Variants in MBTPS1 observed in about 807,000 individuals in gnomAD.
The protein encoded by MBTPS1 is membrane bound transcription factor peptidase, site 1.
A neutral mutation model predicts 127.8 loss-of-function variants in MBTPS1; 94 were observed. That is an observed-to-expected ratio of 0.74 (90% CI 0.62 to 0.87). The LOEUF is 0.87. MBTPS1 is among the 40% of genes least tolerant of loss of function. The probability of loss-of-function intolerance (pLI) is 0.00; values close to 1 mark genes in which losing one functional copy is unlikely to be tolerated. For synonymous variants in MBTPS1, 632 were observed against 509.4 expected (o/e 1.24, Z -3.24); for missense variants, 1,636 against 1,353.2 (o/e 1.21, Z -3.28).
chr16:84,063,146 T>G (rs368018817), intron 19 of MBTPS1, among the ~76,000 whole-genome samples, 159 bp downstream of exon 19: 7 of 152,368 alleles, frequency 4.6e-5, no homozygotes, highest in African/African-American at 1.7e-4. Context: ...TATCAAAATA[T>G]TCCAAGCAAT....
chr16:84,086,053 T>C (rs1158934382), intron 9 of MBTPS1: 1 of 152,196 alleles, frequency 6.6e-6, no homozygotes, highest in Admixed American at 6.5e-5. Context: ...GAATAGGATC[T>C]CATATTCTGT....
intron 15 of MBTPS1, 115 bp downstream of exon 15, chr16:84,068,224 C>T (rs958320356): frequency 1.9e-5 from 14 of 748,464 alleles, no homozygotes; most frequent in East Asian, 7.4e-5. Flanking sequence ...GTGGGGCCCA[C>T]GGCGCATACT....
intron 11 of MBTPS1, among the ~76,000 whole-genome samples, chr16:84,081,364 C>A (rs1166069228): frequency 2.6e-5 from 4 of 152,208 alleles, no homozygotes; most frequent in African/African-American, 9.7e-5. Flanking sequence ...ACAGTTTTAA[C>A]AGCTGTACTC....
At chr16:84,087,113 G>C (rs8063994) in intron 9 of MBTPS1, among the ~76,000 whole-genome samples, 1 of 151,886 alleles carries the variant, frequency 6.6e-6, no homozygotes, top group Non-Finnish European at 1.5e-5. Context: ...GGGAAACACC[G>C]CTTAGAATCA....
At chr16:84,116,006 A>T (rs554524009) in intron 1 of MBTPS1, among the ~76,000 whole-genome samples, 2 of 152,292 alleles carry the variant, frequency 1.3e-5, no homozygotes, top group South Asian at 4.1e-4. Context: ...GTAGACATAC[A>T]ATTGGAGACC....
At chr16:84,090,130 T>C (rs1410075490) in intron 8 of MBTPS1, among the ~76,000 whole-genome samples, 1 of 152,082 alleles carries the variant, frequency 6.6e-6, no homozygotes, top group African/African-American at 2.4e-5. Flanking sequence ...CTTCACCTTG[T>C]CTTATGCCCT....
intron 1 of MBTPS1, among the ~76,000 whole-genome samples, chr16:84,108,812 T>G (rs2086360310): frequency 6.6e-6 from 1 of 152,208 alleles, no homozygotes; most frequent in East Asian, 1.9e-4. Flanking sequence ...GGTAAAACTG[T>G]TTGATCAAAT....
At chr16:84,097,952 T>C (rs2086201266) in intron 3 of MBTPS1, among the ~76,000 whole-genome samples, 1 of 152,032 alleles carries the variant, frequency 6.6e-6, no homozygotes, top group South Asian at 2.1e-4. Context: ...AAAATTTTAA[T>C]TTCTTCTTCC....
intron 1 of MBTPS1, among the ~76,000 whole-genome samples, chr16:84,115,380 G>A (rs1430130327): frequency 6.6e-6 from 1 of 152,174 alleles, no homozygotes; most frequent in Admixed American, 6.5e-5. Context: ...GAGTGCAGTC[G>A]TTTGACACGT....
chr16:84,111,516 G>C (rs2093795187), intron 1 of MBTPS1, among the ~76,000 whole-genome samples: 1 of 151,570 alleles, frequency 6.6e-6, no homozygotes, highest in Admixed American at 6.6e-5. Flanking sequence ...ACTCCAGCCT[G>C]GGCAACAGAG....
At chr16:84,115,610 G>C (rs2086463140) in intron 1 of MBTPS1, among the ~76,000 whole-genome samples, 1 of 152,206 alleles carries the variant, frequency 6.6e-6, no homozygotes, top group Non-Finnish European at 1.5e-5. Context: ...CATGCTAAGT[G>C]AAAGAAGCCT....
At chr16:84,056,164 A>G (rs1355195848) in intron 21 of MBTPS1, 29 bp from the exon 22 acceptor site, 1 of 1,601,040 alleles carries the variant, frequency 6.2e-7, no homozygotes. Context: ...AAACAAAACA[A>G]AAATAAGCCA....
chr16:84,069,052 C>T (rs1360406197), intron 14 of MBTPS1, among the ~76,000 whole-genome samples: 4 of 152,218 alleles, frequency 2.6e-5, no homozygotes, highest in Admixed American at 2.0e-4. Context: ...AACTTCCCAC[C>T]ACTTCCTGTC....
intron 12 of MBTPS1, among the ~76,000 whole-genome samples, chr16:84,071,097 A>G (rs2085764058): frequency 6.6e-6 from 1 of 152,230 alleles, no homozygotes; most frequent in South Asian, 2.1e-4. Context: ...AAGAGAACTT[A>G]TATAGATGAA....
Position 84,067,864 on chromosome 16 carries a change from A to T in MBTPS1, c.2072-41T>A, listed in dbSNP as rs2085710294. 2.5e-6 allele frequency: 4 copies of T among 1,583,912 alleles called. No individual in the cohort carries two copies. In the East Asian group the frequency reaches 9.0e-5, roughly 36 times the overall value. On this transcript the variant is annotated intron_variant, in intron 15 of 22. Coordinates refer to ENST00000343411, the MANE Select transcript of MBTPS1 (RefSeq NM_003791.4). ...CCAAAGCTGGGAACTGTCACTTCTGAATGACAGGACACCACCACGGCAGAA... is the reference window on the plus strand; with the variant it reads ...CCAAAGCTGGGAACTGTCACTTCTGTATGACAGGACACCACCACGGCAGAA...
intron 8 of MBTPS1, among the ~76,000 whole-genome samples, 169 bp from the exon 9 acceptor site, chr16:84,087,629 C>T (rs1261320658): frequency 5.3e-5 from 8 of 152,120 alleles, no homozygotes; most frequent in Admixed American, 1.3e-4. Flanking sequence ...TCCTGTGAAA[C>T]GCATGATCCT....
chr16:84,101,852 T>G lies in MBTPS1; in HGVS notation c.-69A>C. On this transcript the variant is annotated 5_prime_UTR_variant, in exon 2 of 23. Coordinates refer to ENST00000343411, the MANE Select transcript of MBTPS1 (RefSeq NM_003791.4). Reference sequence around the variant, plus strand: ...ACACTTTTTTCTTCTTGATTAAAAGTGAATTTTTGTTTCAGCTAAAAGCTG... The same window carrying G: ...ACACTTTTTTCTTCTTGATTAAAAGGGAATTTTTGTTTCAGCTAAAAGCTG... The G allele has an allele frequency of 6.9e-7, 1 of 1,455,250 alleles. No homozygotes were observed. The highest frequency in any genetic ancestry group is 9.5e-7 in the Non-Finnish European group (1 of 1,056,888). 90.1% of individuals were successfully genotyped at this position (1,455,250 alleles called of 1,614,324 possible).
intron 20 of MBTPS1, 37 bp from the exon 21 acceptor site, chr16:84,059,465 A>T: frequency 6.3e-7 from 1 of 1,595,490 alleles, no homozygotes; most frequent in Non-Finnish European, 8.6e-7. Flanking sequence ...AAGGAAAATC[A>T]TCTCTATTAC....
chr16:84,086,607 G>C (rs2086031177), intron 9 of MBTPS1: 1 of 152,216 alleles, frequency 6.6e-6, no homozygotes, highest in African/African-American at 2.4e-5. Flanking sequence ...GCTACAGTGT[G>C]GACGAGGCCC....
Sources: gnomAD v4.1 joint callset for allele counts (sites outside exome capture counted in the v4.1 genomes callset) on GRCh38, gnomAD v4.1.1 for gene constraint, MANE v1.5 for transcripts, NCBI Gene and HGNC (gene_info 2026-07-23, HGNC 2026-07-21) for gene names.